TRPM7: variants seen among roughly 807,000 people sequenced by gnomAD.
TRPM7 encodes LTRPC ion channel family member 7.
TRPM7 carries 134 observed loss-of-function variants against 229.7 expected under a neutral mutation model. The ratio of observed to expected loss-of-function variants is 0.58; its 90% CI spans 0.51 to 0.67. The LOEUF is 0.67. TRPM7 is among the 30% of genes least tolerant of loss of function. TRPM7 has a pLI of 0.00. For synonymous variants in TRPM7, 699 were observed against 715.2 expected, an observed-to-expected ratio of 0.98 and a Z score of 0.36; for missense variants, 1,901 against 2,210.0, an observed-to-expected ratio of 0.86 and a Z score of 2.80.
At chr15:50,668,581 T>C (rs913989451) in intron 1 of TRPM7, among the ~76,000 whole-genome samples, 1 of 152,166 alleles carries the variant, frequency 6.6e-6, no homozygotes, top group Admixed American at 6.5e-5. Flanking sequence ...GATCTCAGCT[T>C]ACTGCTAACT....
intron 13 of TRPM7, among the ~76,000 whole-genome samples, chr15:50,615,907 A>G (rs1229900584): frequency 1.3e-5 from 2 of 152,170 alleles, no homozygotes; most frequent in Non-Finnish European, 2.9e-5. Context: ...AAAAAAATAT[A>G]TATATATTGG....
At chr15:50,572,438 C>G (rs2053935874) in intron 36 of TRPM7, among the ~76,000 whole-genome samples, 1 of 152,170 alleles carries the variant, frequency 6.6e-6, no homozygotes, top group South Asian at 2.1e-4. Context: ...TATTTTTTAA[C>G]AATAAGGTAT....
chr15:50,617,139 T>A (rs1241652019), intron 13 of TRPM7, among the ~76,000 whole-genome samples: 5 of 84,938 alleles, frequency 5.9e-5, no homozygotes, highest in South Asian at 3.3e-4. Flanking sequence ...AAAAAATAAA[T>A]AAATAAATAA....
chr15:50,678,962 C>G (rs2062166531), intron 1 of TRPM7, among the ~76,000 whole-genome samples: 1 of 152,216 alleles, frequency 6.6e-6, no homozygotes, highest in Admixed American at 6.5e-5. Context: ...CAACCTCCAC[C>G]TCCTGGGTTC....
chr15:50,571,790 A>C (rs1345618202), intron 36 of TRPM7, among the ~76,000 whole-genome samples: 1 of 152,230 alleles, frequency 6.6e-6, no homozygotes, highest in Non-Finnish European at 1.5e-5. Flanking sequence ...TTCAATAAAC[A>C]TTATGTTGAG....
chr15:50,656,545 G>A (rs892455778), intron 3 of TRPM7, among the ~76,000 whole-genome samples: 5 of 146,086 alleles, frequency 3.4e-5, no homozygotes, highest in East Asian at 4.0e-4. Flanking sequence ...TATGCTACCC[G>A]GGCTGGTCTC....
chr15:50,580,482 A>G (rs535993395), intron 30 of TRPM7, among the ~76,000 whole-genome samples: 3 of 152,310 alleles, frequency 2.0e-5, no homozygotes, highest in African/African-American at 7.2e-5. Flanking sequence ...AGTGCTTACC[A>G]AAAGCAGATG....
chr15:50,594,368 C>A, intron 24 of TRPM7, 61 bp downstream of exon 24: 1 of 1,388,056 alleles, frequency 7.2e-7, no homozygotes, highest in Admixed American at 2.1e-5. Flanking sequence ...AATATATAGC[C>A]TTTGGTGTAA....
chr15:50,595,907 T>A (rs938500382), intron 23 of TRPM7, among the ~76,000 whole-genome samples: 2 of 151,112 alleles, frequency 1.3e-5, no homozygotes, highest in African/African-American at 2.5e-5. Context: ...AGAAAAATGG[T>A]TTACATATAT....
Position 50,569,969 on chromosome 15 carries a change from TG to T in TRPM7, c.5384del (p.Pro1795GlnfsTer4). The stretch of plus-strand genomic sequence containing the variant: ...TAATTGCATCTTCTCCTAGATTTGC[TG>T]GGCCAAAAACCATATCACAGGATCT... Reference protein sequence around the residue: ...EKRSCDMVFGPANLGEDAIKN... With the variant: ...EKRSCDMVFGXANLGEDAIKN... On this transcript the variant is annotated frameshift_variant, in exon 38 of 39. Coordinates refer to ENST00000646667, the MANE Select transcript of TRPM7 (RefSeq NM_017672.6). LOFTEE classifies it high-confidence loss of function. 6.2e-7 allele frequency: 1 copy of T among 1,611,830 alleles called. No homozygotes were observed. Among genetic ancestry groups the T allele is most frequent in the Non-Finnish European group, 8.5e-7 (1 of 1,178,962 alleles).
In TRPM7 at chr15:50,631,501, T is replaced by C. The variant is rs1173722544; in HGVS notation, c.1132-12A>G. ...TGGAAAACAGTGATCTATTTAAAGATAAATTTATAACATTATGCCTTTATA... is the reference window on the plus strand; with the variant it reads ...TGGAAAACAGTGATCTATTTAAAGACAAATTTATAACATTATGCCTTTATA... On this transcript the variant is annotated splice_polypyrimidine_tract_variant and intron_variant, in intron 9 of 38. Coordinates refer to ENST00000646667, the MANE Select transcript of TRPM7 (RefSeq NM_017672.6). The C allele has an allele frequency of 6.4e-6, 10 of 1,554,112 alleles. No homozygotes were observed. The highest frequency in any genetic ancestry group is 8.9e-6 in the Non-Finnish European group (10 of 1,128,880).
chr15:50,569,158 C>T (rs944748153), intron 38 of TRPM7, among the ~76,000 whole-genome samples: 1 of 152,078 alleles, frequency 6.6e-6, no homozygotes, highest in Non-Finnish European at 1.5e-5. Context: ...TATCAGCCTC[C>T]TGAGTAGCTG....
chr15:50,659,176 G>C (rs2061664609), intron 2 of TRPM7, among the ~76,000 whole-genome samples: 1 of 148,716 alleles, frequency 6.7e-6, no homozygotes, highest in South Asian at 2.1e-4. Flanking sequence ...CTGGATGACA[G>C]AGCGAGACTC....
At chr15:50,676,255 T>TAG (rs1319820482) in intron 1 of TRPM7, among the ~76,000 whole-genome samples, 1 of 152,154 alleles carries the variant, frequency 6.6e-6, no homozygotes, top group African/African-American at 2.4e-5. Context: ...GGGAAAAAAT[T>TAG]AAAGATTCCT....
intron 13 of TRPM7, among the ~76,000 whole-genome samples, chr15:50,617,633 G>A (rs1484972154): frequency 6.6e-6 from 1 of 152,052 alleles, no homozygotes; most frequent in African/African-American, 2.4e-5. Context: ...CCTCAAGGCT[G>A]TTAAAATGAC....
chr15:50,643,929 GA>G (rs201431901), intron 4 of TRPM7, among the ~76,000 whole-genome samples: 1 of 132,886 alleles, frequency 7.5e-6, no homozygotes, highest in African/African-American at 2.5e-5. Context: ...ATCGGAAAAG[GA>G]AAAAAAAGGA....
intron 13 of TRPM7, among the ~76,000 whole-genome samples, chr15:50,615,715 G>C (rs576877871): frequency 6.6e-6 from 1 of 151,950 alleles, no homozygotes; most frequent in South Asian, 2.1e-4. Flanking sequence ...AGCCAACATG[G>C]AGAATCCCCA....
At chr15:50,591,821 GATA>G in intron 26 of TRPM7, 87 bp downstream of exon 26, 1 of 953,448 alleles carries the variant, frequency 1.0e-6, no homozygotes, top group South Asian at 2.3e-5. Context: ...TCTATGAAAA[GATA>G]ATGACTTGTA....
chr15:50,593,539 C>A, intron 25 of TRPM7, 78 bp downstream of exon 25: 2 of 1,427,724 alleles, frequency 1.4e-6, no homozygotes, highest in South Asian at 2.5e-5. Flanking sequence ...ATAAATTTAA[C>A]AATGACCATG....
Sources: gnomAD v4.1 joint callset for allele counts (sites outside exome capture counted in the v4.1 genomes callset) on GRCh38, gnomAD v4.1.1 for gene constraint, MANE v1.5 for transcripts, NCBI Gene and HGNC (gene_info 2026-07-23, HGNC 2026-07-21) for gene names.